Variants in SCAPER observed in about 807,000 individuals in gnomAD.
SCAPER encodes S-phase cyclin A associated protein in the ER, also known as S phase cyclin A-associated protein in the endoplasmic reticulum.
A neutral mutation model predicts 182.2 loss-of-function variants in SCAPER; 98 were observed. That is an observed-to-expected ratio of 0.54 (90% CI 0.46 to 0.64). The LOEUF (loss-of-function observed/expected upper bound fraction) is 0.64, where lower values mean the gene tolerates loss of function less well. SCAPER is among the 30% of genes least tolerant of loss of function. SCAPER has a pLI of 0.00. For synonymous variants in SCAPER, 605 were observed against 564.6 expected (o/e 1.07, Z -1.01); for missense variants, 1,432 against 1,690.0 (o/e 0.85, Z 2.68).
At chr15:76,697,414 A>G (rs2058708506) in intron 20 of SCAPER, among the ~76,000 whole-genome samples, 2 of 152,238 alleles carry the variant, frequency 1.3e-5, no homozygotes, top group Admixed American at 6.5e-5. Flanking sequence ...ATCTCAAACC[A>G]TAATGGCTAA....
At chr15:76,883,428 C>T (rs2073681462) in intron 2 of SCAPER, among the ~76,000 whole-genome samples, 1 of 152,238 alleles carries the variant, frequency 6.6e-6, no homozygotes, top group South Asian at 2.1e-4. Context: ...TCAAGACCTA[C>T]TCTAGCCCAA....
chr15:76,614,856 C>G (rs2051308683), intron 22 of SCAPER, among the ~76,000 whole-genome samples: 1 of 152,106 alleles, frequency 6.6e-6, no homozygotes, highest in Admixed American at 6.5e-5. Context: ...ACAAACTAAA[C>G]TGACAAACCT....
chr15:76,414,720 T>C (rs1357586773), intron 26 of SCAPER, among the ~76,000 whole-genome samples: 1 of 150,788 alleles, frequency 6.6e-6, no homozygotes, highest in Non-Finnish European at 1.5e-5. Flanking sequence ...GACATAACAG[T>C]CTAACGGAGT....
rs1483752985 is a variant in SCAPER at position 76,621,765 on chromosome 15, T to C, written c.2710A>G (p.Lys904Glu). 6.2e-7 allele frequency: 1 copy of C among 1,605,140 alleles called. No individual in the cohort carries two copies. The highest frequency in any genetic ancestry group is 1.3e-5 in the African/African-American group (1 of 74,844). The change falls in exon 22 of 32, where the codon AAG becomes GAG. Residue 904 changes from lysine to glutamate, a missense_variant and splice_region_variant. By Grantham distance (56) the Lys-to-Glu change is moderately conservative. This residue lies in a region of SCAPER where 718 missense variants were observed against 799.7 expected (regional missense o/e 0.90). Transcript: ENST00000563290. ...AGAACTAAAATGTGGAATACTCACT[T>C]TGCTTTATAAGGTGAATCAGAGCCA... ...NSGSDSPYKA[K>E]LQRLAKDLLK...
intron 8 of SCAPER, among the ~76,000 whole-genome samples, chr15:76,776,351 G>A (rs1054290028): frequency 8.5e-5 from 13 of 152,176 alleles, no homozygotes; most frequent in African/African-American, 2.4e-4. Context: ...CATGGTTTCA[G>A]TAGGGGTAAA....
intron 29 of SCAPER, among the ~76,000 whole-genome samples, chr15:76,364,773 T>C (rs2041695206): frequency 6.6e-6 from 1 of 151,996 alleles, no homozygotes; most frequent in Non-Finnish European, 1.5e-5. Context: ...CTTTGGAACA[T>C]AGTCTGAGCG....
At position 76,485,211 on chromosome 15, in the gene SCAPER, C is replaced by T. The variant is rs531973542; in HGVS notation, c.2955-13876G>A. 3.9e-5 allele frequency among the ~76,000 whole-genome samples: 6 copies of T among 152,138 alleles called. No homozygotes were observed. In the South Asian group the frequency reaches 1.2e-3, roughly 32 times the overall value. Reference sequence around the variant, plus strand: ...ATAACTTCAGTGAAGTCTCAGGATACAAAAATCAATGTGTAAATATCACCG... The same window carrying T: ...ATAACTTCAGTGAAGTCTCAGGATATAAAAATCAATGTGTAAATATCACCG... On this transcript the variant is annotated intron_variant, in intron 24 of 31. Transcript: ENST00000563290.
chr15:76,639,719 C>T (rs2053947892), intron 21 of SCAPER, among the ~76,000 whole-genome samples: 1 of 151,350 alleles, frequency 6.6e-6, no homozygotes, highest in Non-Finnish European at 1.5e-5. Context: ...CAACCTATTC[C>T]CCCCAACCCC....
intron 27 of SCAPER, among the ~76,000 whole-genome samples, chr15:76,401,118 T>C (rs2044424393): frequency 6.7e-6 from 1 of 149,526 alleles, no homozygotes; most frequent in Non-Finnish European, 1.5e-5. Flanking sequence ...TTTACACATA[T>C]ATGTATATGT....
chr15:76,809,094 G>A (rs140093192), intron 5 of SCAPER, among the ~76,000 whole-genome samples: 170 of 152,234 alleles, frequency 1.1e-3, no homozygotes, highest in African/African-American at 3.9e-3. Flanking sequence ...CAGCACAAAG[G>A]TTTGAGGGGC....
intron 23 of SCAPER, among the ~76,000 whole-genome samples, chr15:76,543,297 GTACAGTTTA>G: frequency 6.6e-6 from 1 of 152,210 alleles, no homozygotes; most frequent in East Asian, 1.9e-4. Flanking sequence ...CTGTGTTTTA[GTACAGTTTA>G]TACAGTTTAG....
chr15:76,351,291 G>A lies in SCAPER; in HGVS notation c.4048-3C>T. On this transcript the variant is annotated splice_region_variant and splice_polypyrimidine_tract_variant and intron_variant, in intron 30 of 31. Coordinates refer to ENST00000563290, the MANE Select transcript of SCAPER (RefSeq NM_020843.4). ...TGACCTGGAGTCTGTGCCAAATCCT[G>A]TATGAGGAGAGAAAAGTGTTTTTCT... The A allele has an allele frequency of 6.2e-7, 1 of 1,606,876 alleles. No individual in the cohort carries two copies. Among genetic ancestry groups the A allele is most frequent in the South Asian group, 1.1e-5 (1 of 89,312 alleles).
chr15:76,867,584 G>C (rs1309676343), intron 2 of SCAPER, among the ~76,000 whole-genome samples: 1 of 152,158 alleles, frequency 6.6e-6, no homozygotes, highest in African/African-American at 2.4e-5. Context: ...CTTCTCTCTT[G>C]TATGAGCTAC....
intron 22 of SCAPER, among the ~76,000 whole-genome samples, chr15:76,580,389 T>C (rs1273966215): frequency 6.6e-6 from 1 of 152,100 alleles, no homozygotes; most frequent in Non-Finnish European, 1.5e-5. Context: ...TACGAACACA[T>C]GGAAATTAAA....
chr15:76,795,407 C>T lies in SCAPER; in HGVS notation c.645G>A (p.Leu215=). ...CAGCCCAACTGACACCTGTGGGAGC[C>T]AGACGAGGAGCTGGCACTGTGCCAG... ...GSTGTVPAPR[L]APTGVSWADK... Residue 215 remains leucine (L), a synonymous_variant, in exon 8 of 32, where the codon CTG becomes CTA. Coordinates refer to ENST00000563290, the MANE Select transcript of SCAPER (RefSeq NM_020843.4). 4 of 1,607,672 alleles carry T rather than the reference C, an allele frequency of 2.5e-6. No homozygotes were observed. The highest frequency in any genetic ancestry group is 3.4e-6 in the Non-Finnish European group (4 of 1,176,282).
At chr15:76,486,523 A>C (rs1025851166) in intron 24 of SCAPER, among the ~76,000 whole-genome samples, 4 of 145,174 alleles carry the variant, frequency 2.8e-5, no homozygotes, top group East Asian at 4.0e-4. Flanking sequence ...TAAAAAAAAA[A>C]CCCCATTAAA....
chr15:76,563,543 A>T (rs770583530), intron 23 of SCAPER, among the ~76,000 whole-genome samples: 21 of 152,170 alleles, frequency 1.4e-4, no homozygotes, highest in Non-Finnish European at 3.1e-4. Context: ...AATCAACCAA[A>T]AAAAGCCCAG....
chr15:76,392,440 A>G lies in SCAPER; in HGVS notation c.3468-10825T>C, dbSNP rs577876897. On this transcript the variant is annotated intron_variant, in intron 27 of 31. Transcript: ENST00000563290. ...CATATGTGAACAACAGGCTTTGAAA[A>G]CCTAAAGAACCAGGGCTAGGCATGG... Among the ~76,000 whole-genome samples the G allele has an allele frequency of 1.2e-4, 19 of 152,198 alleles. 1 individual carries two copies. The highest frequency in any genetic ancestry group is 3.9e-4 in the African/African-American group (16 of 41,522).
chr15:76,608,344 C>G (rs928992699), intron 22 of SCAPER, among the ~76,000 whole-genome samples: 4 of 152,176 alleles, frequency 2.6e-5, no homozygotes, highest in African/African-American at 9.7e-5. Flanking sequence ...TTTTGGTGAA[C>G]CGCAAATGCT....
Sources: gnomAD v4.1 joint callset for allele counts (sites outside exome capture counted in the v4.1 genomes callset) on GRCh38, gnomAD v4.1.1 for gene constraint, gnomAD v4.1.1 regional missense constraint, MANE v1.5 for transcripts, NCBI Gene and HGNC (gene_info 2026-07-23, HGNC 2026-07-21) for gene names.